PIWIL3: variants seen among roughly 807,000 people sequenced by gnomAD.
PIWIL3 encodes the protein piwi-like protein 3.
Under a neutral mutation model 109.7 loss-of-function variants are expected in PIWIL3, and 101 were observed. The observed-to-expected ratio is 0.92, with a 90% CI of 0.78 to 1.09. The LOEUF (loss-of-function observed/expected upper bound fraction) is 1.09. Among genes scored for constraint, PIWIL3 ranks in the 50% least tolerant of loss-of-function variants. The pLI is 0.00. For missense variants in PIWIL3, 1,031 were observed against 1,072.6 expected (o/e 0.96, Z 0.54); for synonymous variants, 373 against 376.4 (o/e 0.99, Z 0.10).
chr22:24,727,481 T>A (rs1569096908), intron 16 of PIWIL3, among the ~76,000 whole-genome samples: 1 of 151,816 alleles, frequency 6.6e-6, no homozygotes, highest in Non-Finnish European at 1.5e-5. Flanking sequence ...CAGCTGACGG[T>A]CAACAACAAC....
At chr22:24,770,740 CAGG>C (rs916653024) in intron 1 of PIWIL3, among the ~76,000 whole-genome samples, 15 of 150,996 alleles carry the variant, frequency 9.9e-5, no homozygotes, top group African/African-American at 3.7e-4. Flanking sequence ...GAGGCTGAGG[CAGG>C]AGAATTGCTT....
At chr22:24,720,688 C>A (rs565700189) in intron 19 of PIWIL3, among the ~76,000 whole-genome samples, 2 of 152,100 alleles carry the variant, frequency 1.3e-5, no homozygotes, top group African/African-American at 4.8e-5. Flanking sequence ...TTTATTTGCT[C>A]CATCCTTTAA....
chr22:24,738,013 G>C (rs1601831657), intron 12 of PIWIL3, among the ~76,000 whole-genome samples: 1 of 152,112 alleles, frequency 6.6e-6, no homozygotes. Context: ...TTAGCTGGCT[G>C]TGGTGGTGGG....
chr22:24,721,863 A>C (rs1601819926), intron 19 of PIWIL3, among the ~76,000 whole-genome samples: 1 of 152,308 alleles, frequency 6.6e-6, no homozygotes, highest in East Asian at 1.9e-4. Flanking sequence ...TCTAATTCAT[A>C]ATGACTTGCA....
At chr22:24,755,974 C>A in intron 5 of PIWIL3, 69 bp from the exon 6 acceptor site, 1 of 1,525,874 alleles carries the variant, frequency 6.6e-7, no homozygotes, top group South Asian at 1.2e-5. Flanking sequence ...CATTGCACGG[C>A]AAATCACCAT....
chr22:24,720,259 G>GTTTTTTTTT lies in PIWIL3; in HGVS notation c.2358-373_2358-365dup, dbSNP rs56087060. Among the ~76,000 whole-genome samples the GTTTTTTTTT allele has an allele frequency of 1.0e-3, 109 of 105,486 alleles. 11 individuals carry two copies. Among genetic ancestry groups the GTTTTTTTTT allele is most frequent in the African/African-American group, 3.7e-3 (108 of 28,926 alleles). 69.2% of individuals were successfully genotyped at this position (105,486 alleles called of 152,430 possible). ...AGAATCACTGGACTATATTTAAACT[G>GTTTTTTTTT]TTTTTTTTTTTTTTTTTTTTTTTTT... On this transcript the variant is annotated intron_variant, in intron 19 of 20. Transcript: ENST00000616349.
At chr22:24,728,908 C>CA (rs1157832581) in intron 14 of PIWIL3, among the ~76,000 whole-genome samples, 2 of 151,994 alleles carry the variant, frequency 1.3e-5, no homozygotes, top group East Asian at 1.9e-4. Context: ...AGGAAAAAAA[C>CA]AAAAAACAAA....
rs1181321893 is a variant in PIWIL3, at chr22:24,740,456, G to A, written c.1450-4564C>T. Among the ~76,000 whole-genome samples, 5 of 149,720 alleles carry A rather than the reference G, an allele frequency of 3.3e-5. No individual in the cohort carries two copies. The East Asian group carries it at 1.0e-3, about 30-fold the overall frequency. On this transcript the variant is annotated intron_variant, in intron 12 of 20. Transcript: ENST00000616349. The stretch of plus-strand genomic sequence containing the variant: ...CCCGTTGCTTGGGAGGCTGAGGCAG[G>A]AGAATGGCATGAACCCGGGAGGCAG...
At chr22:24,761,838 A>G in intron 2 of PIWIL3, 1 of 585,196 alleles carries the variant, frequency 1.7e-6, no homozygotes, top group Non-Finnish European at 2.2e-6. Context: ...AGGGCTTAGG[A>G]GAAGGAGAGG....
At chr22:24,766,638 T>A (rs1401746634) in intron 1 of PIWIL3, among the ~76,000 whole-genome samples, 4 of 152,152 alleles carry the variant, frequency 2.6e-5, no homozygotes, top group East Asian at 1.9e-4. Flanking sequence ...AGATATTTTT[T>A]AAAAATCACC....
At chr22:24,766,708 G>A (rs1925819169) in intron 1 of PIWIL3, among the ~76,000 whole-genome samples, 1 of 152,148 alleles carries the variant, frequency 6.6e-6, no homozygotes, top group Non-Finnish European at 1.5e-5. Context: ...TTGAATGCCT[G>A]TCAATTATGA....
chr22:24,728,317 G>A lies in PIWIL3; in HGVS notation c.1765C>T (p.Leu589=). The change falls in exon 15 of 21, where the codon CTA becomes TTA. Residue 589 remains leucine, a synonymous_variant. Transcript: ENST00000616349. ...KRRYDSIKRY[L]CTKCPIPSQC... is the part of the protein sequence containing the mutation. ...CTTGGAATTGGGCATTTGGTACATA[G>A]GTATCTTTTTATGCTGTCATATCTA... 6.2e-7 allele frequency: 1 copy of A among 1,614,088 alleles called. No individual in the cohort carries two copies. Among genetic ancestry groups the A allele is most frequent in the Non-Finnish European group, 8.5e-7 (1 of 1,180,026 alleles).
chr22:24,744,694 T>C (rs559232760), intron 12 of PIWIL3, among the ~76,000 whole-genome samples: 1 of 152,180 alleles, frequency 6.6e-6, no homozygotes, highest in Non-Finnish European at 1.5e-5. Context: ...CAAGAGGATA[T>C]GACAATTGTA....
At chr22:24,764,505 C>G (rs1025498483) in intron 1 of PIWIL3, among the ~76,000 whole-genome samples, 2 of 152,136 alleles carry the variant, frequency 1.3e-5, no homozygotes, top group Admixed American at 1.3e-4. Context: ...AGAGGTGGAT[C>G]CGCTGTCATG....
At chr22:24,738,736 G>A (rs774912921) in intron 12 of PIWIL3, among the ~76,000 whole-genome samples, 15 of 152,204 alleles carry the variant, frequency 9.9e-5, no homozygotes, top group Non-Finnish European at 2.1e-4. Flanking sequence ...TACCTGGACA[G>A]CCTTCCCAAG....
intron 13 of PIWIL3, 133 bp from the exon 14 acceptor site, chr22:24,734,289 A>G: frequency 7.4e-7 from 1 of 1,360,310 alleles, no homozygotes. Context: ...GTATGTTTAA[A>G]AGAAAAAAGA....
intron 12 of PIWIL3, among the ~76,000 whole-genome samples, chr22:24,741,799 C>T (rs531873504): frequency 2.0e-5 from 3 of 152,092 alleles, no homozygotes; most frequent in East Asian, 1.9e-4. Flanking sequence ...AGCAGGTTAA[C>T]GGTGAAAAGT....
At chr22:24,732,063 G>A (rs1923383584) in intron 14 of PIWIL3, among the ~76,000 whole-genome samples, 1 of 152,160 alleles carries the variant, frequency 6.6e-6, no homozygotes, top group South Asian at 2.1e-4. Context: ...CAAACATCAA[G>A]TACTTGTGAA....
rs1924269788 is a variant in PIWIL3, at chr22:24,744,981, G to C, written c.1449+3926C>G. Among the ~76,000 whole-genome samples, 3 of 152,122 alleles carry C rather than the reference G, an allele frequency of 2.0e-5. No individual in the cohort carries two copies. In the South Asian group the frequency reaches 6.2e-4, roughly 32 times the overall value. On this transcript the variant is annotated intron_variant, in intron 12 of 20. Transcript: ENST00000616349. ...CATTCAAGGATAGACCATATATTAG[G>C]TTACAAAAGAAGTCTTAAAACATTC...
Sources: gnomAD v4.1 joint callset for allele counts (sites outside exome capture counted in the v4.1 genomes callset) on GRCh38, gnomAD v4.1.1 for gene constraint, MANE v1.5 for transcripts, NCBI Gene and HGNC (gene_info 2026-07-23, HGNC 2026-07-21) for gene names.